The following YARS1 variants were observed in gnomAD, a reference collection of about 807,000 sequenced individuals.
The protein encoded by YARS1 is tyrosyl-tRNA synthetase 1.
Under a neutral mutation model 62.2 loss-of-function variants are expected in YARS1, and 36 were observed. The observed-to-expected ratio is 0.58, with a 90% CI of 0.44 to 0.76. The LOEUF (loss-of-function observed/expected upper bound fraction) is 0.76. YARS1 is among the 30% of genes least tolerant of loss of function. YARS1 has a pLI of 0.00. For missense variants in YARS1, 524 were observed against 639.8 expected, an observed-to-expected ratio of 0.82 and a Z score of 1.95; for synonymous variants, 234 against 244.9, an observed-to-expected ratio of 0.96 and a Z score of 0.42.
rs773073013 is a variant in YARS1 at position 32,811,040 on chromosome 1, C to G, written c.75G>C (p.Glu25Asp). ...TRNLQEVLGE[E>D]KLKEILKERE... ...GCTCCTTCAGTATCTCCTTCAGCTT[C>G]TCTTCCCCCAGAACCTCCTATTGTG... Residue 25 changes from glutamate (E) to aspartate (D), a missense_variant, in exon 2 of 13, where the codon GAG becomes GAC. By Grantham distance (45) the Glu-to-Asp change is conservative (BLOSUM62 2). Coordinates refer to ENST00000373477, the MANE Select transcript of YARS1 (RefSeq NM_003680.4). 5 of 1,614,176 alleles carry G rather than the reference C, an allele frequency of 3.1e-6. No individual in the cohort carries two copies. The highest frequency in any genetic ancestry group is 4.2e-6 in the Non-Finnish European group (5 of 1,180,036).
rs1638578608 is a variant in YARS1 at position 32,811,266 on chromosome 1, T to C, written c.58-209A>G. ...CCTTAGCTGAGAGAGCCAGACAAAC[T>C]CCATTTTGGCTCCTTCACTTGTAGC... On this transcript the variant is annotated intron_variant, in intron 1 of 12. Coordinates refer to ENST00000373477, the MANE Select transcript of YARS1 (RefSeq NM_003680.4). 3.2e-5 allele frequency: 24 copies of C among 749,332 alleles called. 1 individual carries two copies. The South Asian group carries it at 3.9e-4, about 12-fold the overall frequency. 46.4% of individuals were successfully genotyped at this position (749,332 alleles called of 1,614,324 possible). A position where few individuals can be genotyped will look rare whatever the true frequency, so the allele number is the denominator to read the frequency against.
chr1:32,806,604 T>C lies in YARS1; in HGVS notation c.388A>G (p.Thr130Ala). Residue 130 changes from threonine (T) to alanine (A), a missense_variant, in exon 4 of 13, where the codon ACA (threonine) becomes GCA (alanine). Transcript: ENST00000373477. Reference sequence around the variant, plus strand: ...GAGGAGAGTCTGTACACATCTAGTGTGTACTCTCTGAAGAGGAAAGGAAGA... The same window carrying C: ...GAGGAGAGTCTGTACACATCTAGTGCGTACTCTCTGAAGAGGAAAGGAAGA... ...GTDYQLSKEY[T>A]LDVYRLSSVV... is the part of the protein sequence containing the mutation. 6.2e-7 allele frequency: 1 copy of C among 1,614,148 alleles called. No individual in the cohort carries two copies. Among genetic ancestry groups the C allele is most frequent in the Non-Finnish European group, 8.5e-7 (1 of 1,180,022 alleles).
chr1:32,787,622 G>C (rs574398058), intron 6 of YARS1, among the ~76,000 whole-genome samples: 1 of 151,022 alleles, frequency 6.6e-6, no homozygotes, highest in Non-Finnish European at 1.5e-5. Context: ...CCATTCTCCC[G>C]CCTCAGCCTC....
intron 8 of YARS1, among the ~76,000 whole-genome samples, chr1:32,784,348 G>C (rs1226809191): frequency 6.6e-6 from 1 of 151,886 alleles, no homozygotes; most frequent in African/African-American, 2.4e-5. Flanking sequence ...CATTAAATTG[G>C]TTGGACCTGA....
chr1:32,811,295 T>G, intron 1 of YARS1: 2 of 586,312 alleles, frequency 3.4e-6, no homozygotes, highest in South Asian at 3.7e-5. Context: ...TTGTAGCCCC[T>G]TGCAGCCTCT....
At chr1:32,788,347 A>C (rs187030002) in intron 6 of YARS1, among the ~76,000 whole-genome samples, 71 of 152,230 alleles carry the variant, frequency 4.7e-4, no homozygotes, top group Non-Finnish European at 5.6e-4. Flanking sequence ...AACTCCTGCC[A>C]TTAAGTGATC....
chr1:32,777,192 G>A (rs1280355813), intron 12 of YARS1, among the ~76,000 whole-genome samples: 1 of 151,852 alleles, frequency 6.6e-6, no homozygotes, highest in Admixed American at 6.5e-5. Context: ...ACTGTGCCTG[G>A]CTAATTTTGT....
intron 1 of YARS1, among the ~76,000 whole-genome samples, chr1:32,815,522 A>G (rs984797164): frequency 7.7e-5 from 8 of 104,364 alleles, no homozygotes; most frequent in Admixed American, 3.2e-4. Context: ...GGAATAACCC[A>G]AATGTCCATC....
chr1:32,786,913 C>T, intron 7 of YARS1, 27 bp downstream of exon 7: 1 of 1,613,804 alleles, frequency 6.2e-7, no homozygotes, highest in Non-Finnish European at 8.5e-7. Context: ...CTAGCCTGGC[C>T]TCTAGGAAGA....
At position 32,786,429 on chromosome 1, in the gene YARS1, T is replaced by C. The variant is rs1653230455; in HGVS notation, c.839A>G (p.Asp280Gly). 1 of 1,613,912 alleles carries C rather than the reference T, an allele frequency of 6.2e-7. No homozygotes were observed. Among genetic ancestry groups the C allele is most frequent in the Middle Eastern group, 1.6e-4 (1 of 6,062 alleles). Residue 280 changes from aspartate to glycine, a missense_variant, in exon 8 of 13, where the codon GAT becomes GGT. By Grantham distance (94) the Asp-to-Gly change is moderately conservative. Coordinates refer to ENST00000373477, the MANE Select transcript of YARS1 (RefSeq NM_003680.4). ...PLKSEFVILR[D>G]EKWGGNKTYT... ...GGTTTTGTTTCCACCCCATTTCTCA[T>C]CTCGTAGGATCACAAACTCTATAAG...
At chr1:32,810,830 C>T (rs1638568148) in intron 2 of YARS1, 64 bp from the exon 3 acceptor site, 2 of 1,613,922 alleles carry the variant, frequency 1.2e-6, no homozygotes, top group Non-Finnish European at 8.5e-7. Context: ...CCTGTCTCCT[C>T]CAGCCCCACC....
chr1:32,786,363 T>C lies in YARS1; in HGVS notation c.905A>G (p.Glu302Gly), dbSNP rs1234019694. 1.9e-6 allele frequency: 3 copies of C among 1,613,840 alleles called. No homozygotes were observed. In the African/African-American group the frequency reaches 4.0e-5, roughly 22 times the overall value. Residue 302 changes from glutamate to glycine, a missense_variant and splice_region_variant, in exon 8 of 13, where the codon GAG (glutamate) becomes GGG (glycine). Physicochemically the swap from Glu to Gly is moderately conservative, Grantham distance 98. Coordinates refer to ENST00000373477, the MANE Select transcript of YARS1 (RefSeq NM_003680.4). Reference sequence around the variant, plus strand: ...GGATTCCTTTTCCTTTCATGTTACCTCAGCAGCAAAGTCCTTTTCCAGGTC... The same window carrying C: ...GGATTCCTTTTCCTTTCATGTTACCCCAGCAGCAAAGTCCTTTTCCAGGTC... ...YVDLEKDFAA[E>G]VVHPGDLKNS...
chr1:32,806,429 T>C (rs1569769651), intron 4 of YARS1, 53 bp downstream of exon 4: 6 of 1,612,570 alleles, frequency 3.7e-6, no homozygotes, highest in Non-Finnish European at 5.1e-6. Context: ...GATATGCCTG[T>C]CATCAAACCA....
At chr1:32,788,068 A>T (rs1487903882) in intron 6 of YARS1, among the ~76,000 whole-genome samples, 2 of 152,206 alleles carry the variant, frequency 1.3e-5, no homozygotes, top group Admixed American at 1.3e-4. Flanking sequence ...TGATCATGCC[A>T]CTACACTCCA....
rs574897907 is a variant in YARS1 at position 32,805,351 on chromosome 1, T to C, written c.510+1131A>G. 2.6e-5 allele frequency among the ~76,000 whole-genome samples: 4 copies of C among 152,024 alleles called. No individual in the cohort carries two copies. The South Asian group carries it at 6.2e-4, about 24-fold the overall frequency. On this transcript the variant is annotated intron_variant, in intron 4 of 12. Coordinates refer to ENST00000373477, the MANE Select transcript of YARS1 (RefSeq NM_003680.4). ...ATGGCTTTTTTCCCTTTAAATGTCATGAACCAATCTCTCAGCCTTCATAAA... is the reference window on the plus strand; with the variant it reads ...ATGGCTTTTTTCCCTTTAAATGTCACGAACCAATCTCTCAGCCTTCATAAA...
At chr1:32,777,794 C>G (rs1171235454) in intron 12 of YARS1, among the ~76,000 whole-genome samples, 1 of 151,924 alleles carries the variant, frequency 6.6e-6, no homozygotes, top group Non-Finnish European at 1.5e-5. Context: ...AGAGTGAGAC[C>G]CTGTTTCTAA....
At position 32,815,471 on chromosome 1, in the gene YARS1, G is replaced by T. The variant is rs112694417; in HGVS notation, c.57+1717C>A. 3.1e-3 allele frequency among the ~76,000 whole-genome samples: 479 copies of T among 152,254 alleles called. 7 individuals are homozygous for T. Among genetic ancestry groups the T allele is most frequent in the African/African-American group, 0.011 (454 of 41,540 alleles). ...ATAGGAAACAAAGAATCTAGCTAGG[G>T]GAAGCGTGCAAAAACCTTTGGTTAA... On this transcript the variant is annotated intron_variant, in intron 1 of 12. Coordinates refer to ENST00000373477, the MANE Select transcript of YARS1 (RefSeq NM_003680.4).
intron 7 of YARS1, 132 bp downstream of exon 7, chr1:32,786,808 T>C: frequency 8.3e-7 from 1 of 1,205,862 alleles, no homozygotes; most frequent in Non-Finnish European, 1.2e-6. Flanking sequence ...TACTTTAATA[T>C]ATAAGAAATC....
rs188317769 is a variant in YARS1, at chr1:32,803,018, T to C, written c.510+3464A>G. 9.5e-5 allele frequency among the ~76,000 whole-genome samples: 14 copies of C among 147,856 alleles called. No homozygotes were observed. The East Asian group carries it at 2.8e-3, about 30-fold the overall frequency. On this transcript the variant is annotated intron_variant, in intron 4 of 12. Coordinates refer to ENST00000373477, the MANE Select transcript of YARS1 (RefSeq NM_003680.4). ...TTTTTTTTGAGACAGAGTCTTGCATTGTTGCCCGGGCTGGAGTGCAATGGT... is the reference window on the plus strand; with the variant it reads ...TTTTTTTTGAGACAGAGTCTTGCATCGTTGCCCGGGCTGGAGTGCAATGGT...
Sources: gnomAD v4.1 joint callset for allele counts (sites outside exome capture counted in the v4.1 genomes callset) on GRCh38, gnomAD v4.1.1 for gene constraint, MANE v1.5 for transcripts, NCBI Gene and HGNC (gene_info 2026-07-23, HGNC 2026-07-21) for gene names.